The following MCC variants were observed in gnomAD, a reference collection of about 807,000 sequenced individuals.
MCC encodes colorectal mutant cancer protein.
MCC carries 90 observed loss-of-function variants against 116.2 expected under a neutral mutation model. That is an observed-to-expected ratio of 0.77 (90% CI 0.65 to 0.92). The LOEUF (loss-of-function observed/expected upper bound fraction) is 0.92, where lower values mean the gene tolerates loss of function less well. Ranked by LOEUF, MCC falls within the 40% of genes least tolerant of loss-of-function variation. MCC has a pLI of 0.00. For synonymous variants in MCC, 578 were observed against 510.5 expected (o/e 1.13, Z -1.78); for missense variants, 1,516 against 1,312.2 (o/e 1.16, Z -2.40).
intron 1 of MCC, among the ~76,000 whole-genome samples, chr5:113,428,352 G>A (rs146129451): frequency 6.6e-5 from 10 of 152,092 alleles, no homozygotes; most frequent in East Asian, 1.9e-4. Flanking sequence ...CCTCTTTACC[G>A]ACTGAAGCAT....
intron 1 of MCC, among the ~76,000 whole-genome samples, chr5:113,404,614 G>A (rs1384295976): frequency 6.6e-6 from 1 of 152,104 alleles, no homozygotes; most frequent in East Asian, 1.9e-4. Flanking sequence ...TGTATCCTAG[G>A]GATATGTTGA....
chr5:113,193,080 T>C (rs1027961492), intron 3 of MCC, among the ~76,000 whole-genome samples: 1 of 152,162 alleles, frequency 6.6e-6, no homozygotes, highest in African/African-American at 2.4e-5. Context: ...GCTGCCAGCA[T>C]TCCTTGGCTC....
At chr5:113,208,285 C>A (rs763896482) in intron 3 of MCC, among the ~76,000 whole-genome samples, 2 of 152,116 alleles carry the variant, frequency 1.3e-5, no homozygotes, top group Non-Finnish European at 2.9e-5. Flanking sequence ...TCAAATCAAT[C>A]CCTTACATGG....
intron 1 of MCC, among the ~76,000 whole-genome samples, chr5:113,394,244 T>G (rs1317774945): frequency 6.6e-6 from 1 of 152,128 alleles, no homozygotes; most frequent in African/African-American, 2.4e-5. Context: ...GGACTGGAGC[T>G]TTTATTGTCT....
At chr5:113,466,596 A>G (rs1443294320) in intron 1 of MCC, among the ~76,000 whole-genome samples, 8 of 151,834 alleles carry the variant, frequency 5.3e-5, no homozygotes, top group African/African-American at 1.5e-4. Flanking sequence ...TTGGACATTT[A>G]GGTTGGTTCC....
rs185783349 is a variant in MCC, at chr5:113,177,320, T to A, written c.628-25898A>T. Among the ~76,000 whole-genome samples, 17 of 152,346 alleles carry A rather than the reference T, an allele frequency of 1.1e-4. No individual in the cohort carries two copies. The East Asian group carries it at 3.1e-3, about 28-fold the overall frequency. On this transcript the variant is annotated intron_variant, in intron 3 of 18. Coordinates refer to ENST00000408903, the MANE Select transcript of MCC (RefSeq NM_001085377.2). ...TGCCTGGCACAAAGGAGGCACTGAA[T>A]AACCACATGTTAAAGACTAACATTG...
chr5:113,208,468 C>T (rs1581254425), intron 3 of MCC, among the ~76,000 whole-genome samples: 1 of 152,004 alleles, frequency 6.6e-6, no homozygotes, highest in African/African-American at 2.4e-5. Flanking sequence ...GGGATGCTGC[C>T]CCGTATAAAA....
intron 1 of MCC, among the ~76,000 whole-genome samples, chr5:113,453,436 C>A (rs902182053): frequency 6.6e-6 from 1 of 152,188 alleles, no homozygotes. Context: ...CCAGAGCCCT[C>A]CTGGAGTGTC....
intron 3 of MCC, among the ~76,000 whole-genome samples, chr5:113,332,197 T>C (rs1281929120): frequency 6.6e-6 from 1 of 151,472 alleles, no homozygotes; most frequent in African/African-American, 2.5e-5. Context: ...CCTTTATTTT[T>C]TGAGACAATG....
At chr5:113,430,189 A>T (rs142707582) in intron 1 of MCC, among the ~76,000 whole-genome samples, 63 of 152,316 alleles carry the variant, frequency 4.1e-4, no homozygotes, top group African/African-American at 1.5e-3. Context: ...TTTTTTCAAC[A>T]CTAACTTGGA....
At position 113,022,579 on chromosome 5, in the gene MCC, G is replaced by GCT. The variant is rs1204893367; in HGVS notation, c.*4721_*4722dup. The GCT allele has an allele frequency of 4.6e-5, 7 of 152,198 alleles. No individual in the cohort carries two copies. Among genetic ancestry groups the GCT allele is most frequent in the African/African-American group, 1.7e-4 (7 of 41,482 alleles). The allele number at this position is 152,198 out of a possible 1,614,324, so 9.4% of individuals were successfully genotyped here. On this transcript the variant is annotated 3_prime_UTR_variant, in exon 19 of 19. Coordinates refer to ENST00000408903, the MANE Select transcript of MCC (RefSeq NM_001085377.2). ...TTCTAACAAAAGCAGATTATCAGGG[G>GCT]CTCTTACTCACTTGCCATTCCTGAC...
intron 1 of MCC, among the ~76,000 whole-genome samples, chr5:113,444,577 A>C (rs1277893941): frequency 6.6e-6 from 1 of 152,210 alleles, no homozygotes; most frequent in Non-Finnish European, 1.5e-5. Context: ...AATTAAGGGA[A>C]GGGTAGATCG....
chr5:113,294,905 G>A (rs531490488), intron 3 of MCC: 5 of 985,498 alleles, frequency 5.1e-6, no homozygotes, highest in Non-Finnish European at 6.0e-6. Flanking sequence ...TGCACTTCAC[G>A]CCGAAGTTTC....
At chr5:113,414,727 A>G (rs946942070) in intron 1 of MCC, among the ~76,000 whole-genome samples, 1 of 152,142 alleles carries the variant, frequency 6.6e-6, no homozygotes, top group East Asian at 1.9e-4. Context: ...CCAATTTGCC[A>G]GTCTGTGTCT....
At chr5:113,412,425 G>A (rs1477793555) in intron 1 of MCC, among the ~76,000 whole-genome samples, 1 of 152,290 alleles carries the variant, frequency 6.6e-6, no homozygotes, top group Non-Finnish European at 1.5e-5. Flanking sequence ...TTTTCCATTT[G>A]TTTGTGTCCT....
At chr5:113,168,800 G>C (rs182336063) in intron 3 of MCC, among the ~76,000 whole-genome samples, 9 of 152,126 alleles carry the variant, frequency 5.9e-5, no homozygotes, top group African/African-American at 2.2e-4. Flanking sequence ...AACGGGGCAG[G>C]GGCAACAGAC....
intron 3 of MCC, among the ~76,000 whole-genome samples, chr5:113,187,027 T>G (rs935791810): frequency 2.6e-5 from 4 of 152,174 alleles, no homozygotes; most frequent in Non-Finnish European, 5.9e-5. Flanking sequence ...TTAGGAAAGT[T>G]TTCAGGAAGT....
chr5:113,230,881 C>T (rs1417824393), intron 3 of MCC, among the ~76,000 whole-genome samples: 1 of 152,168 alleles, frequency 6.6e-6, no homozygotes, highest in African/African-American at 2.4e-5. Context: ...GATTGCAAAA[C>T]AGACCATTAT....
intron 3 of MCC, among the ~76,000 whole-genome samples, chr5:113,161,934 G>A (rs1231041696): frequency 6.6e-6 from 1 of 152,240 alleles, no homozygotes; most frequent in African/African-American, 2.4e-5. Context: ...GGAAGGCCCA[G>A]GCAGGCCCTG....
Sources: gnomAD v4.1 joint callset for allele counts (sites outside exome capture counted in the v4.1 genomes callset) on GRCh38, gnomAD v4.1.1 for gene constraint, MANE v1.5 for transcripts, NCBI Gene and HGNC (gene_info 2026-07-23, HGNC 2026-07-21) for gene names.